Variants in DRC8 observed in about 807,000 individuals in gnomAD.
DRC8 encodes the protein dynein regulatory complex protein 8.
At chr1:245,106,787 G>A in the DRC8 span, among the ~76,000 whole-genome samples, 1 of 152,350 alleles carries the variant, frequency 6.6e-6, no homozygotes, top group Admixed American at 6.5e-5. Flanking sequence ...GTTCACCCCT[G>A]TAATCTCAGC....
the DRC8 span, among the ~76,000 whole-genome samples, chr1:245,101,572 C>T: frequency 6.6e-6 from 1 of 152,244 alleles, no homozygotes; most frequent in East Asian, 1.9e-4. Flanking sequence ...TATCATTCTT[C>T]ATTTACTAGT....
chr1:245,002,002 T>A, the DRC8 span: 1 of 723,794 alleles, frequency 1.4e-6, no homozygotes, highest in African/African-American at 1.8e-5. Context: ...CATGGTCCTT[T>A]CTCAGATTTT....
chr1:245,041,212 G>C, the DRC8 span, among the ~76,000 whole-genome samples: 1 of 152,164 alleles, frequency 6.6e-6, no homozygotes, highest in Non-Finnish European at 1.5e-5. Context: ...GGATGCTGGA[G>C]AAAAGCAAAG....
At chr1:244,992,823 A>C in the DRC8 span, among the ~76,000 whole-genome samples, 1 of 152,224 alleles carries the variant, frequency 6.6e-6, no homozygotes, top group South Asian at 2.1e-4. Flanking sequence ...TCTGTAACCA[A>C]TTACTCCCAA....
At chr1:244,986,579 G>A in the DRC8 span, among the ~76,000 whole-genome samples, 1 of 151,970 alleles carries the variant, frequency 6.6e-6, no homozygotes, top group African/African-American at 2.4e-5. Context: ...GTTTTTAAGA[G>A]GTCACTTGGC....
At chr1:244,978,649 C>T in the DRC8 span, among the ~76,000 whole-genome samples, 1 of 152,000 alleles carries the variant, frequency 6.6e-6, no homozygotes, top group Non-Finnish European at 1.5e-5. Flanking sequence ...GCCACTGTGC[C>T]CAACTAACAT....
the DRC8 span, among the ~76,000 whole-genome samples, chr1:245,117,043 A>G: frequency 6.6e-6 from 1 of 152,156 alleles, no homozygotes; most frequent in Non-Finnish European, 1.5e-5. Context: ...GATTGTTGTT[A>G]TTAAGTCTGG....
At chr1:245,099,188 C>T in the DRC8 span, among the ~76,000 whole-genome samples, 22 of 152,152 alleles carry the variant, frequency 1.4e-4, no homozygotes, top group Non-Finnish European at 2.9e-4. Context: ...TCACCTACAT[C>T]ATCGCCTGAG....
At chr1:245,099,476 C>T in the DRC8 span, among the ~76,000 whole-genome samples, 5 of 152,202 alleles carry the variant, frequency 3.3e-5, no homozygotes, top group Admixed American at 6.5e-5. Context: ...GATGCTGGGA[C>T]GCAGCCCCGC....
At chr1:244,995,230 A>G in the DRC8 span, among the ~76,000 whole-genome samples, 1,371 of 152,114 alleles carry the variant, frequency 9.0e-3, 9 homozygotes, top group Middle Eastern at 0.014. Flanking sequence ...GCGTGGTGGC[A>G]GGCGCCTGTA....
chr1:244,986,917 G>A, the DRC8 span, among the ~76,000 whole-genome samples: 2 of 152,076 alleles, frequency 1.3e-5, no homozygotes, highest in African/African-American at 4.8e-5. Flanking sequence ...GACTGGAGGA[G>A]ACAGGGATGA....
chr1:245,073,821 G>A, the DRC8 span, among the ~76,000 whole-genome samples: 30 of 152,252 alleles, frequency 2.0e-4, no homozygotes, highest in Non-Finnish European at 4.0e-4. Context: ...GTAGATGACA[G>A]GATCGAATCC....
the DRC8 span, among the ~76,000 whole-genome samples, chr1:245,061,859 A>C: frequency 2.0e-5 from 3 of 152,228 alleles, no homozygotes; most frequent in Non-Finnish European, 4.4e-5. Context: ...CAATCCCAGC[A>C]CTTGGGGAGG....
At chr1:245,018,555 G>T in the DRC8 span, among the ~76,000 whole-genome samples, 1 of 152,268 alleles carries the variant, frequency 6.6e-6, no homozygotes, top group East Asian at 1.9e-4. Flanking sequence ...GGTTAGGGAG[G>T]GGGTGCAGCA....
At chr1:244,985,662 A>T in the DRC8 span, among the ~76,000 whole-genome samples, 2 of 151,930 alleles carry the variant, frequency 1.3e-5, no homozygotes, top group Non-Finnish European at 2.9e-5. Context: ...CCAGGAGTTC[A>T]AGACCAGCCT....
the DRC8 span, among the ~76,000 whole-genome samples, chr1:245,113,704 T>C: frequency 6.6e-6 from 1 of 152,116 alleles, no homozygotes; most frequent in Non-Finnish European, 1.5e-5. Flanking sequence ...ATAATAATAT[T>C]AACACCTAAC....
chr1:245,116,077 G>A, the DRC8 span, among the ~76,000 whole-genome samples: 2 of 152,044 alleles, frequency 1.3e-5, no homozygotes, highest in South Asian at 2.1e-4. Context: ...TAGTAGAGAC[G>A]GGGCTTTACC....
At chr1:245,059,440 G>T in the DRC8 span, 1 of 1,612,776 alleles carries the variant, frequency 6.2e-7, no homozygotes, top group South Asian at 1.1e-5. Context: ...AAGGAGAGCT[G>T]CATGATCTGA....
At chr1:245,000,182 A>T in the DRC8 span, among the ~76,000 whole-genome samples, 1 of 152,212 alleles carries the variant, frequency 6.6e-6, no homozygotes, top group Non-Finnish European at 1.5e-5. Flanking sequence ...ATGATAAAAT[A>T]GATTAGTTTT....
Sources: gnomAD v4.1 joint callset for allele counts (sites outside exome capture counted in the v4.1 genomes callset) on GRCh38, gnomAD v4.1.1 for gene constraint, MANE v1.5 for transcripts, NCBI Gene and HGNC (gene_info 2026-07-23, HGNC 2026-07-21) for gene names.